Variants in DLG2 observed in about 807,000 individuals in gnomAD.
DLG2 encodes discs large MAGUK scaffold protein 2.
Under a neutral mutation model 132.5 loss-of-function variants are expected in DLG2, and 45 were observed. The ratio of observed to expected loss-of-function variants is 0.34; its 90% CI spans 0.27 to 0.44. DLG2 has a LOEUF of 0.44. Among genes scored for constraint, DLG2 ranks in the 20% least tolerant of loss-of-function variants. DLG2 has a pLI of 1.00. For synonymous variants in DLG2, 424 were observed against 419.6 expected (o/e 1.01, Z -0.13); for missense variants, 1,045 against 1,196.9 (o/e 0.87, Z 1.87).
chr11:83,904,416 G>A (rs1233834517), intron 15 of DLG2, among the ~76,000 whole-genome samples: 1 of 152,042 alleles, frequency 6.6e-6, no homozygotes, highest in Non-Finnish European at 1.5e-5. Context: ...GTAAAAGAAT[G>A]AAGTAAAAGA....
intron 8 of DLG2, among the ~76,000 whole-genome samples, chr11:84,209,452 T>G (rs970780375): frequency 2.0e-5 from 3 of 152,110 alleles, no homozygotes; most frequent in Non-Finnish European, 2.9e-5. Context: ...CCAAATAAAG[T>G]TTGGAGTTTA....
Position 84,769,481 on chromosome 11 carries a change from T to G in DLG2, c.358-234750A>C, listed in dbSNP as rs961045627. On this transcript the variant is annotated intron_variant, in intron 6 of 27. Coordinates refer to ENST00000376104, the MANE Select transcript of DLG2 (RefSeq NM_001142699.3). ...AAGTCTCAGAGAAATATGGGATTATTTAAAGTGACCAAATATATAAATTAT... is the reference window on the plus strand; with the variant it reads ...AAGTCTCAGAGAAATATGGGATTATGTAAAGTGACCAAATATATAAATTAT... Among the ~76,000 whole-genome samples, 10 of 152,236 alleles carry G rather than the reference T, an allele frequency of 6.6e-5. 3 individuals carry two copies. Among genetic ancestry groups the G allele is most frequent in the Admixed American group, 6.5e-4 (10 of 15,294 alleles).
chr11:85,424,546 T>G (rs1285964746), intron 3 of DLG2, among the ~76,000 whole-genome samples: 1 of 152,204 alleles, frequency 6.6e-6, no homozygotes, highest in Admixed American at 6.5e-5. Flanking sequence ...TTCCTTGACA[T>G]TTAAACCAGT....
chr11:84,636,142 G>T (rs1044419446), intron 6 of DLG2, among the ~76,000 whole-genome samples: 2 of 152,060 alleles, frequency 1.3e-5, no homozygotes, highest in African/African-American at 4.8e-5. Flanking sequence ...TTTTTCTTTT[G>T]CTTACAGAAT....
At chr11:85,435,153 A>T (rs1042029634) in intron 3 of DLG2, among the ~76,000 whole-genome samples, 2 of 152,234 alleles carry the variant, frequency 1.3e-5, no homozygotes, top group African/African-American at 4.8e-5. Flanking sequence ...CTAGGTATTA[A>T]CGGAACATAT....
chr11:85,119,407 T>C (rs2074044551), intron 5 of DLG2, among the ~76,000 whole-genome samples: 1 of 152,016 alleles, frequency 6.6e-6, no homozygotes, highest in South Asian at 2.1e-4. Flanking sequence ...TTGAATGCAA[T>C]AGAGTAATTT....
At chr11:85,433,076 T>C (rs968751822) in intron 3 of DLG2, among the ~76,000 whole-genome samples, 4 of 152,146 alleles carry the variant, frequency 2.6e-5, no homozygotes, top group Non-Finnish European at 5.9e-5. Context: ...CTAAGCTTCA[T>C]CAGCAAAGGA....
chr11:83,731,919 G>A (rs2091081115), intron 18 of DLG2, among the ~76,000 whole-genome samples: 1 of 152,170 alleles, frequency 6.6e-6, no homozygotes, highest in Admixed American at 6.5e-5. Context: ...TACCTTTAAA[G>A]CACTTAGTAC....
intron 8 of DLG2, among the ~76,000 whole-genome samples, chr11:84,194,497 G>T (rs1002347885): frequency 2.0e-5 from 3 of 152,198 alleles, no homozygotes; most frequent in African/African-American, 7.2e-5. Flanking sequence ...AAAGACCCGA[G>T]TGGCTTGCGC....
intron 3 of DLG2, among the ~76,000 whole-genome samples, chr11:85,434,903 A>T (rs549333950): frequency 6.6e-6 from 1 of 152,362 alleles, no homozygotes; most frequent in African/African-American, 2.4e-5. Context: ...CCTGATGAAC[A>T]TTGATGTGAA....
chr11:84,650,512 A>G (rs2154546436), intron 6 of DLG2, among the ~76,000 whole-genome samples: 1 of 152,314 alleles, frequency 6.6e-6, no homozygotes, highest in South Asian at 2.1e-4. Flanking sequence ...AGTCATACAA[A>G]GCCAAGAATA....
At chr11:85,421,189 G>A (rs1286218915) in intron 3 of DLG2, among the ~76,000 whole-genome samples, 2 of 152,034 alleles carry the variant, frequency 1.3e-5, no homozygotes, top group African/African-American at 4.8e-5. Context: ...TCATGGCACA[G>A]TTCCTCACAG....
intron 6 of DLG2, among the ~76,000 whole-genome samples, chr11:85,030,294 G>A (rs1448903315): frequency 1.3e-5 from 2 of 152,190 alleles, no homozygotes; most frequent in African/African-American, 4.8e-5. Context: ...AGTAAATGGA[G>A]TATATTGAAT....
intron 6 of DLG2, among the ~76,000 whole-genome samples, chr11:85,034,606 G>A (rs1010689337): frequency 6.6e-6 from 1 of 152,110 alleles, no homozygotes; most frequent in Non-Finnish European, 1.5e-5. Context: ...ACTGAGAGTA[G>A]TTTTTCAGGA....
At chr11:85,514,006 C>T (rs921446694) in intron 3 of DLG2, among the ~76,000 whole-genome samples, 2 of 151,912 alleles carry the variant, frequency 1.3e-5, no homozygotes, top group Admixed American at 1.3e-4. Context: ...TCTTGAACAC[C>T]TTCTGGGTGT....
intron 6 of DLG2, among the ~76,000 whole-genome samples, chr11:84,583,805 G>T (rs188539418): frequency 2.9e-4 from 44 of 152,070 alleles, no homozygotes; most frequent in African/African-American, 9.9e-4. Flanking sequence ...CTTCATAAAA[G>T]TGTTATCATA....
intron 6 of DLG2, among the ~76,000 whole-genome samples, chr11:85,099,191 C>T (rs772850559): frequency 1.3e-5 from 2 of 152,166 alleles, no homozygotes; most frequent in Non-Finnish European, 2.9e-5. Flanking sequence ...AAGTTTGGCA[C>T]TGAGTCCTGC....
chr11:84,015,048 C>T (rs2095100135), intron 11 of DLG2, among the ~76,000 whole-genome samples: 1 of 151,996 alleles, frequency 6.6e-6, no homozygotes, highest in East Asian at 1.9e-4. Context: ...ATTTTTTCAC[C>T]TTTACTTTTG....
At chr11:84,460,478 A>G (rs2099077511) in intron 7 of DLG2, among the ~76,000 whole-genome samples, 1 of 150,564 alleles carries the variant, frequency 6.6e-6, no homozygotes, top group Admixed American at 6.6e-5. Flanking sequence ...ACACAGAGTT[A>G]GCTCAGGTAT....
Sources: allele counts gnomAD v4.1 joint callset (sites outside exome capture counted in the v4.1 genomes callset), GRCh38; gene constraint gnomAD v4.1.1; transcripts MANE v1.5; gene names NCBI Gene and HGNC (gene_info 2026-07-23, HGNC 2026-07-21).